Variants in MYO1E observed in about 807,000 individuals in gnomAD.
MYO1E encodes unconventional myosin-Ie.
MYO1E carries 68 observed loss-of-function variants against 151.1 expected under a neutral mutation model. That is an observed-to-expected ratio of 0.45 (90% confidence interval 0.37 to 0.55). MYO1E has a LOEUF of 0.55. Ranked by LOEUF, MYO1E falls within the 20% of genes least tolerant of loss-of-function variation. The probability of loss-of-function intolerance (pLI) is 0.00; values close to 1 mark genes in which losing one functional copy is unlikely to be tolerated. For missense variants in MYO1E, 1,363 were observed against 1,389.3 expected (o/e 0.98, Z 0.30); for synonymous variants, 601 against 501.7 (o/e 1.20, Z -2.64).
chr15:59,273,008 A>C lies in MYO1E; in HGVS notation c.4-559T>G, dbSNP rs193028927. ...GTCATCTAAATTACTTTCCCTTCAT[A>C]AACTTATCACTGTCATACGTGTAAT... On this transcript the variant is annotated intron_variant, in intron 1 of 27. Coordinates refer to ENST00000288235, the MANE Select transcript of MYO1E (RefSeq NM_004998.4). Among the ~76,000 whole-genome samples, 220 of 152,316 alleles carry C rather than the reference A, an allele frequency of 1.4e-3. 2 individuals are homozygous for C. The highest frequency in any genetic ancestry group is 3.7e-4 in the Non-Finnish European group (25 of 68,036).
chr15:59,275,341 CG>C (rs1201197124), intron 1 of MYO1E, among the ~76,000 whole-genome samples: 2 of 152,076 alleles, frequency 1.3e-5, no homozygotes, highest in East Asian at 1.9e-4. Context: ...TGATTTGATA[CG>C]TTTTTTATAT....
rs149646352 is a variant in MYO1E at position 59,265,479 on chromosome 15, C to T, written c.148-3970G>A. 7.7e-3 allele frequency among the ~76,000 whole-genome samples: 1,162 copies of T among 151,686 alleles called. 22 individuals carry two copies. The highest frequency in any genetic ancestry group is 0.026 in the African/African-American group (1,085 of 41,432). ...TAGATTACATAAATTCTGATTAGGG[C>T]CTGGTTAAGGAGATATTCAGGAAAA... On this transcript the variant is annotated intron_variant, in intron 2 of 27. Coordinates refer to ENST00000288235, the MANE Select transcript of MYO1E (RefSeq NM_004998.4).
At chr15:59,256,942 C>A (rs34310505) in intron 3 of MYO1E, among the ~76,000 whole-genome samples, 23,152 of 152,088 alleles carry the variant, frequency 0.15, 2,666 homozygotes, top group East Asian at 0.52. Context: ...AGGTGTGGTT[C>A]TTTAAAGGGA....
chr15:59,211,993 A>T (rs1253127996), intron 12 of MYO1E, among the ~76,000 whole-genome samples: 1 of 152,014 alleles, frequency 6.6e-6, no homozygotes, highest in Non-Finnish European at 1.5e-5. Flanking sequence ...ACAACAAATC[A>T]CATCATGTCA....
intron 25 of MYO1E, 69 bp from the exon 26 acceptor site, chr15:59,153,860 T>G: frequency 6.9e-7 from 1 of 1,443,632 alleles, no homozygotes. Context: ...TCTCTCCACA[T>G]TTCTTCCATG....
intron 23 of MYO1E, among the ~76,000 whole-genome samples, chr15:59,162,372 G>C (rs1374733118): frequency 6.6e-6 from 1 of 152,160 alleles, no homozygotes; most frequent in African/African-American, 2.4e-5. Context: ...GGCTGGGCAT[G>C]GTGGCTCAAG....
At chr15:59,272,478 G>A (rs780832643) in intron 1 of MYO1E, 29 bp from the exon 2 acceptor site, 2 of 1,612,812 alleles carry the variant, frequency 1.2e-6, no homozygotes, top group South Asian at 2.2e-5. Flanking sequence ...CAATTACTAG[G>A]ATAGTTTGTT....
At chr15:59,156,276 C>T (rs1057168217) in intron 25 of MYO1E, among the ~76,000 whole-genome samples, 2 of 152,178 alleles carry the variant, frequency 1.3e-5, no homozygotes, top group Non-Finnish European at 2.9e-5. Context: ...TCTCCACCTC[C>T]CGGGTTCAAG....
At chr15:59,150,414 T>C (rs1415956503) in intron 26 of MYO1E, among the ~76,000 whole-genome samples, 2 of 152,238 alleles carry the variant, frequency 1.3e-5, no homozygotes, top group African/African-American at 4.8e-5. Context: ...TACTTTTGGC[T>C]GACAGATGCT....
intron 18 of MYO1E, among the ~76,000 whole-genome samples, chr15:59,183,893 A>G (rs761917132): frequency 6.6e-6 from 1 of 151,916 alleles, no homozygotes; most frequent in Admixed American, 6.6e-5. Flanking sequence ...GAGCTCAATT[A>G]TTTTAATTTT....
At position 59,209,815 on chromosome 15, in the gene MYO1E, C is replaced by CTTTTTTTTTTTTTTTTTTT. The variant is rs71119441; in HGVS notation, c.1362+680_1362+698dup. Among the ~76,000 whole-genome samples, 16 of 49,870 alleles carry CTTTTTTTTTTTTTTTTTTT rather than the reference C, an allele frequency of 3.2e-4. 2 individuals carry two copies. Among genetic ancestry groups the CTTTTTTTTTTTTTTTTTTT allele is most frequent in the Admixed American group, 1.4e-3 (5 of 3,566 alleles). The allele number at this position is 49,870 out of a possible 152,430, so 32.7% of individuals were successfully genotyped here. On this transcript the variant is annotated intron_variant, in intron 13 of 27. Transcript: ENST00000288235. ...CTGTATCACTTTTATTTTGAATCAC[C>CTTTTTTTTTTTTTTTTTTT]TTTTTTTTTTTTTTTTTTTTTTTTT...
chr15:59,333,582 G>A (rs1263926690), intron 1 of MYO1E, among the ~76,000 whole-genome samples: 2 of 152,066 alleles, frequency 1.3e-5, no homozygotes, highest in Non-Finnish European at 2.9e-5. Flanking sequence ...CACACCCATT[G>A]TGAAATTACT....
chr15:59,202,773 G>A (rs374811339), intron 15 of MYO1E, among the ~76,000 whole-genome samples: 5 of 152,232 alleles, frequency 3.3e-5, no homozygotes, highest in South Asian at 2.1e-4. Context: ...ACAGGGTCTC[G>A]CTCTACTGCC....
At chr15:59,235,766 T>C (rs116186597) in intron 5 of MYO1E, among the ~76,000 whole-genome samples, 1 of 152,244 alleles carries the variant, frequency 6.6e-6, no homozygotes, top group East Asian at 1.9e-4. Flanking sequence ...TTCATTAAAA[T>C]GTACTAGTTC....
chr15:59,259,704 C>A (rs2080214364), intron 3 of MYO1E, among the ~76,000 whole-genome samples: 1 of 152,248 alleles, frequency 6.6e-6, no homozygotes, highest in African/African-American at 2.4e-5. Flanking sequence ...CGCTGCTGAA[C>A]TGTCATACTT....
chr15:59,243,691 G>C (rs571959325), intron 4 of MYO1E, among the ~76,000 whole-genome samples: 96 of 152,232 alleles, frequency 6.3e-4, no homozygotes, highest in Middle Eastern at 3.4e-3. Context: ...CAAACTTTTA[G>C]CTACTCCTGA....
chr15:59,166,988 C>G (rs1294959529), intron 22 of MYO1E, among the ~76,000 whole-genome samples: 2 of 152,170 alleles, frequency 1.3e-5, no homozygotes, highest in African/African-American at 4.8e-5. Context: ...CCTCATCCAC[C>G]TTCGAATACC....
At chr15:59,199,888 TGGGAGA>T (rs2079790535) in intron 16 of MYO1E, among the ~76,000 whole-genome samples, 1 of 152,164 alleles carries the variant, frequency 6.6e-6, no homozygotes, top group Admixed American at 6.5e-5. Flanking sequence ...TAAGAGGTAC[TGGGAGA>T]GACTTTTATT....
At chr15:59,170,652 T>G (rs570725698) in intron 22 of MYO1E, among the ~76,000 whole-genome samples, 29 of 151,956 alleles carry the variant, frequency 1.9e-4, no homozygotes, top group Non-Finnish European at 3.4e-4. Flanking sequence ...AAATGGACAC[T>G]GCGGACTCAT....
Sources: allele counts gnomAD v4.1 joint callset (sites outside exome capture counted in the v4.1 genomes callset), GRCh38; gene constraint gnomAD v4.1.1; transcripts MANE v1.5; gene names NCBI Gene and HGNC (gene_info 2026-07-23, HGNC 2026-07-21).